VEGFD: variants seen among roughly 807,000 people sequenced by gnomAD.
VEGFD encodes vascular endothelial growth factor D, also known as c-fos induced growth factor (vascular endothelial growth factor D).
VEGFD carries 26 observed loss-of-function variants against 28.0 expected under a neutral mutation model. The ratio of observed to expected loss-of-function variants is 0.93; its 90% CI spans 0.68 to 1.29. VEGFD has a LOEUF of 1.29. VEGFD is among the 50% of genes most tolerant of loss of function. The pLI, the probability that VEGFD is intolerant of heterozygous loss-of-function variation, is 0.00. For synonymous variants in VEGFD, 93 were observed against 95.5 expected, an observed-to-expected ratio of 0.97 and a Z score of 0.15; for missense variants, 294 against 273.4, an observed-to-expected ratio of 1.08 and a Z score of -0.53.
chrX:15,359,362 CT>C (rs1171408211), intron 2 of VEGFD, among the ~76,000 whole-genome samples: 1,779 of 62,838 alleles, frequency 0.028, 19 homozygotes, highest in African/African-American at 0.059. Flanking sequence ...CACTTGCAGG[CT>C]TTTTTTTTTT....
intron 3 of VEGFD, among the ~76,000 whole-genome samples, chrX:15,355,585 G>A (rs1569184275): frequency 8.9e-6 from 1 of 112,152 alleles, no homozygotes; most frequent in Non-Finnish European, 1.9e-5. Context: ...TTAAAGCTAT[G>A]CAGTTTCTTT....
chrX:15,352,898 A>AAAAAAAG (rs1413386351), intron 5 of VEGFD, among the ~76,000 whole-genome samples, 170 bp downstream of exon 5: 1 of 112,434 alleles, frequency 8.9e-6, no homozygotes. Context: ...TTGTAATTGT[A>AAAAAAAG]AAAAAAGAAA....
At chrX:15,377,345 A>G (rs1923461992) in intron 1 of VEGFD, among the ~76,000 whole-genome samples, 1 of 111,839 alleles carries the variant, frequency 8.9e-6, no homozygotes, top group Non-Finnish European at 1.9e-5. Flanking sequence ...TCCCATCTTC[A>G]CTAAAGTTGT....
intron 2 of VEGFD, 134 bp downstream of exon 2, chrX:15,362,975 A>C: frequency 2.0e-6 from 1 of 496,912 alleles, no homozygotes; most frequent in Non-Finnish European, 3.4e-6. Flanking sequence ...TTCTGCACTA[A>C]TACTGGAAAT....
In VEGFD at chrX:15,355,201, C is replaced by T. The variant is rs748325706; in HGVS notation, c.590G>A (p.Arg197His). 2.5e-5 allele frequency: 30 copies of T among 1,202,690 alleles called. No homozygotes were observed. Among genetic ancestry groups the T allele is most frequent in the African/African-American group, 2.3e-4 (13 of 56,419 alleles). The change falls in exon 4 of 7, where the codon CGC becomes CAC. Residue 197 changes from arginine (R) to histidine (H), a missense_variant. By Grantham distance (29) the Arg-to-His change is conservative (BLOSUM62 0). Transcript: ENST00000297904. ...TCTTCTGATAATTGAGTATGGATGG[C>T]GGGGGGCTGTTGGCAAGCACTTACA... Reference protein sequence around the residue: ...TGCKCLPTAPRHPYSIIRRSI... With the variant: ...TGCKCLPTAPHHPYSIIRRSI...
At chrX:15,357,725 T>C (rs1922901724) in intron 3 of VEGFD, among the ~76,000 whole-genome samples, 1 of 111,855 alleles carries the variant, frequency 8.9e-6, no homozygotes, top group African/African-American at 3.3e-5. Context: ...AGACAATAAC[T>C]GATAAGAGTT....
intron 2 of VEGFD, among the ~76,000 whole-genome samples, chrX:15,360,293 GT>G (rs796312249): frequency 3.9e-5 from 4 of 101,527 alleles, no homozygotes; most frequent in Non-Finnish European, 6.1e-5. Context: ...CCTAAACTTT[GT>G]TTTTTTTTAT....
chrX:15,381,974 G>A (rs1012686780), intron 1 of VEGFD, among the ~76,000 whole-genome samples: 1 of 112,051 alleles, frequency 8.9e-6, no homozygotes, highest in African/African-American at 3.2e-5. Context: ...GCTTTCCTTC[G>A]TTACTCCATT....
intron 1 of VEGFD, among the ~76,000 whole-genome samples, chrX:15,372,141 G>A (rs1452209584): frequency 8.9e-6 from 1 of 111,992 alleles, no homozygotes; most frequent in Non-Finnish European, 1.9e-5. Flanking sequence ...GATGAAAACT[G>A]GCTTAAGATA....
intron 1 of VEGFD, among the ~76,000 whole-genome samples, chrX:15,374,162 G>A (rs1404435303): frequency 8.9e-6 from 1 of 112,429 alleles, no homozygotes; most frequent in Non-Finnish European, 1.9e-5. Flanking sequence ...TCTGGAAAAT[G>A]TGTTTGCAGT....
At chrX:15,370,731 A>C (rs1373989480) in intron 1 of VEGFD, among the ~76,000 whole-genome samples, 2 of 111,756 alleles carry the variant, frequency 1.8e-5, no homozygotes, top group Non-Finnish European at 3.8e-5. Context: ...GTTAAAATGC[A>C]GATTCTGACG....
Position 15,383,858 on chromosome X carries a change from T to C in VEGFD, c.89A>G (p.Lys30Arg). ...QGSSNEHGPV[K>R]RSSQSTLERS... ...ACATTAAAAATTGAGCTCACCTACCTTCACTGGTCCATGTTCATTACTGGA... is the reference window on the plus strand; with the variant it reads ...ACATTAAAAATTGAGCTCACCTACCCTCACTGGTCCATGTTCATTACTGGA... The change falls in exon 1 of 7, where the codon AAG becomes AGG. Residue 30 changes from lysine to arginine, a missense_variant and splice_region_variant. Transcript: ENST00000297904. 8.3e-7 allele frequency: 1 copy of C among 1,204,012 alleles called. No individual in the cohort carries two copies. The highest frequency in any genetic ancestry group is 1.1e-6 in the Non-Finnish European group (1 of 888,369).
rs150665944 is a variant in VEGFD, at chrX:15,382,434, C to T, written c.90+1423G>A. The stretch of plus-strand genomic sequence containing the variant: ...CAACCTAAAGAATATGACTTATGTC[C>T]AACAATTCAGTCTCCTTTATTATAC... On this transcript the variant is annotated intron_variant, in intron 1 of 6. Coordinates refer to ENST00000297904, the MANE Select transcript of VEGFD (RefSeq NM_004469.5). 4.0e-3 allele frequency among the ~76,000 whole-genome samples: 451 copies of T among 111,708 alleles called. 3 individuals are homozygous for T. The highest frequency in any genetic ancestry group is 0.014 in the African/African-American group (429 of 30,761).
At chrX:15,351,361 C>T (rs1039177614) in intron 5 of VEGFD, among the ~76,000 whole-genome samples, 1 of 107,710 alleles carries the variant, frequency 9.3e-6, no homozygotes, top group African/African-American at 3.4e-5. Flanking sequence ...CCTCGTGATC[C>T]GCCCGCCTCG....
At chrX:15,356,709 CT>C (rs942819057) in intron 3 of VEGFD, among the ~76,000 whole-genome samples, 2 of 111,600 alleles carry the variant, frequency 1.8e-5, no homozygotes. Context: ...GTTATGCAAG[CT>C]TTTTTTCTAC....
intron 3 of VEGFD, among the ~76,000 whole-genome samples, chrX:15,356,487 T>C (rs746763978): frequency 7.1e-5 from 8 of 112,422 alleles, no homozygotes; most frequent in Non-Finnish European, 7.5e-5. Flanking sequence ...ATTTGTTGAG[T>C]ACAGCAGTCA....
chrX:15,349,332 T>C (rs1466634189), intron 5 of VEGFD, among the ~76,000 whole-genome samples: 1 of 112,626 alleles, frequency 8.9e-6, no homozygotes, highest in Non-Finnish European at 1.9e-5. Flanking sequence ...TTCAGCAGGC[T>C]GTTTGGCAGA....
chrX:15,363,832 G>C (rs987858145), intron 1 of VEGFD, among the ~76,000 whole-genome samples: 2 of 112,036 alleles, frequency 1.8e-5, no homozygotes, highest in East Asian at 5.6e-4. Context: ...TGACAAGCGG[G>C]GGATTGCCTA....
chrX:15,350,894 C>T (rs912053887), intron 5 of VEGFD, among the ~76,000 whole-genome samples: 8 of 101,452 alleles, frequency 7.9e-5, no homozygotes, highest in Non-Finnish European at 1.4e-4. Context: ...CAGAGTCTCA[C>T]TCTGTCATCC....
Sources: allele counts gnomAD v4.1 joint callset (sites outside exome capture counted in the v4.1 genomes callset), GRCh38; gene constraint gnomAD v4.1.1; transcripts MANE v1.5; gene names NCBI Gene and HGNC (gene_info 2026-07-23, HGNC 2026-07-21).